ALB: variants seen among roughly 807,000 people sequenced by gnomAD.
ALB encodes serum albumin.
Under a neutral mutation model 74.5 loss-of-function variants are expected in ALB, and 37 were observed. That is an observed-to-expected ratio of 0.50 (90% CI 0.38 to 0.65). The LOEUF (loss-of-function observed/expected upper bound fraction) is 0.65, where lower values mean the gene tolerates loss of function less well. Ranked by LOEUF, ALB falls within the 30% of genes least tolerant of loss-of-function variation. The probability of loss-of-function intolerance (pLI) is 0.00; values close to 1 mark genes in which losing one functional copy is unlikely to be tolerated. For synonymous variants in ALB, 249 were observed against 251.6 expected, an observed-to-expected ratio of 0.99 and a Z score of 0.10; for missense variants, 685 against 718.7, an observed-to-expected ratio of 0.95 and a Z score of 0.54.
rs370546821 is a variant in ALB at position 73,419,612 on chromosome 4, C to T, written c.1758C>T (p.Asp586=). Residue 586 remains aspartate, a synonymous_variant, in exon 13 of 15, where the codon GAC becomes GAT. Coordinates refer to ENST00000295897, the MANE Select transcript of ALB (RefSeq NM_000477.7). ...TTGTAGAGAAGTGCTGCAAGGCTGACGATAAGGAGACCTGCTTTGCCGAGG... is the reference window on the plus strand; with the variant it reads ...TTGTAGAGAAGTGCTGCAAGGCTGATGATAAGGAGACCTGCTTTGCCGAGG... The part of the protein sequence containing the change: ...AAFVEKCCKA[D]DKETCFAEEG... The T allele has an allele frequency of 4.3e-6, 7 of 1,613,920 alleles. No homozygotes were observed. The highest frequency in any genetic ancestry group is 1.7e-5 in the Admixed American group (1 of 59,990).
At position 73,415,244 on chromosome 4, in the gene ALB, T is replaced by G. The variant is rs1718985179; in HGVS notation, c.1191+77T>G. On this transcript the variant is annotated intron_variant, in intron 9 of 14. Coordinates refer to ENST00000295897, the MANE Select transcript of ALB (RefSeq NM_000477.7). ...ATGAGAAAGAAAAATAATGCAAGAA[T>G]GTAAAATGATATACAGTGCAATTTA... 7.2e-6 allele frequency: 11 copies of G among 1,531,694 alleles called. No individual in the cohort carries two copies. The Middle Eastern group carries it at 5.1e-4, about 70-fold the overall frequency. The allele number at this position is 1,531,694 out of a possible 1,614,324, so 94.9% of individuals were successfully genotyped here.
rs921029989 is a variant in ALB, at chr4:73,417,542, G to A, written c.1301G>A (p.Arg434His). Residue 434 changes from arginine to histidine, a missense_variant, in exon 11 of 15, where the codon CGT becomes CAT. Arg to His is a conservative substitution (Grantham distance 29). Coordinates refer to ENST00000295897, the MANE Select transcript of ALB (RefSeq NM_000477.7). ...EYKFQNALLV[R>H]YTKKVPQVST... ...CTTCTTTTTTTCAGGCTATTAGTTCGTTACACCAAGAAAGTACCCCAAGTG... is the reference window on the plus strand; with the variant it reads ...CTTCTTTTTTTCAGGCTATTAGTTCATTACACCAAGAAAGTACCCCAAGTG... 22 of 1,613,636 alleles carry A rather than the reference G, an allele frequency of 1.4e-5. No individual in the cohort carries two copies. Among genetic ancestry groups the A allele is most frequent in the East Asian group, 6.7e-5 (3 of 44,860 alleles).
intron 1 of ALB, 71 bp from the exon 2 acceptor site, chr4:73,405,045 A>G: frequency 4.9e-6 from 7 of 1,430,048 alleles, no homozygotes; most frequent in Non-Finnish European, 6.9e-6. Flanking sequence ...GGAAAGAAAT[A>G]TAAAAAGTAA....
chr4:73,419,488 T>C lies in ALB; in HGVS notation c.1653-19T>C. ...ATGTTTTTTCTGTTTTTTTTTTTTC[T>C]TTTTCCATTCAAACTCAGTGCACTT... On this transcript the variant is annotated intron_variant, in intron 12 of 14. Coordinates refer to ENST00000295897, the MANE Select transcript of ALB (RefSeq NM_000477.7). The C allele has an allele frequency of 6.2e-7, 1 of 1,606,538 alleles. No homozygotes were observed. Among genetic ancestry groups the C allele is most frequent in the Non-Finnish European group, 8.5e-7 (1 of 1,177,350 alleles).
intron 7 of ALB, among the ~76,000 whole-genome samples, chr4:73,412,925 T>C (rs1718918156): frequency 6.6e-6 from 1 of 152,208 alleles, no homozygotes; most frequent in African/African-American, 2.4e-5. Context: ...CTTTCTCCCT[T>C]TCTTCAAGAT....
At chr4:73,408,851 A>T (rs1396122651) in intron 4 of ALB, 46 bp downstream of exon 4, 11 of 1,480,934 alleles carry the variant, frequency 7.4e-6, no homozygotes, top group South Asian at 3.5e-5. Context: ...AGCATGGAGT[A>T]ACTCCATAGG....
intron 8 of ALB, 95 bp downstream of exon 8, chr4:73,413,729 C>G: frequency 8.2e-7 from 1 of 1,214,296 alleles, no homozygotes; most frequent in South Asian, 1.3e-5. Flanking sequence ...CTACAATTTC[C>G]CTGCTGCCCA....
At chr4:73,416,083 G>A (rs1719004819) in intron 9 of ALB, among the ~76,000 whole-genome samples, 173 bp from the exon 10 acceptor site, 1 of 152,120 alleles carries the variant, frequency 6.6e-6, no homozygotes, top group African/African-American at 2.4e-5. Context: ...CATGATGCAA[G>A]CTCACCAAAT....
At chr4:73,408,559 T>G (rs376004099) in intron 3 of ALB, 35 bp from the exon 4 acceptor site, 1 of 1,577,734 alleles carries the variant, frequency 6.3e-7, no homozygotes, top group South Asian at 1.1e-5. Flanking sequence ...AAAAAGGTAC[T>G]GTCCAGCAAC....
intron 5 of ALB, among the ~76,000 whole-genome samples, chr4:73,409,849 A>G (rs1192041349): frequency 6.6e-6 from 1 of 152,184 alleles, no homozygotes; most frequent in Non-Finnish European, 1.5e-5. Context: ...GAGGGAATTC[A>G]AAGTAGAGAA....
intron 2 of ALB, among the ~76,000 whole-genome samples, chr4:73,406,080 T>C (rs1383294265): frequency 6.6e-6 from 1 of 151,878 alleles, no homozygotes; most frequent in Non-Finnish European, 1.5e-5. Flanking sequence ...TGGGCAAGTC[T>C]CTTTAAAAAA....
At position 73,408,581 on chromosome 4, in the gene ALB, T is replaced by C; in HGVS notation, c.271-13T>C. 2 of 1,612,922 alleles carry C rather than the reference T, an allele frequency of 1.2e-6. No homozygotes were observed. The highest frequency in any genetic ancestry group is 1.7e-6 in the Non-Finnish European group (2 of 1,179,110). ...TACTGTCCAGCAACTGAAACCTGCT[T>C]TCTTCCATTTAGCATACCCTTTTTG... On this transcript the variant is annotated splice_polypyrimidine_tract_variant and intron_variant, in intron 3 of 14. Transcript: ENST00000295897.
Position 73,413,644 on chromosome 4 carries a change from T to C in ALB, c.1058+10T>C. Reference sequence around the variant, plus strand: ...ATGTCTTCCTGGGCATGTAAGTAGATAAGAAATTATTCTTTTATAGCTTTG... The same window carrying C: ...ATGTCTTCCTGGGCATGTAAGTAGACAAGAAATTATTCTTTTATAGCTTTG... On this transcript the variant is annotated intron_variant, in intron 8 of 14. Coordinates refer to ENST00000295897, the MANE Select transcript of ALB (RefSeq NM_000477.7). 1 of 1,613,188 alleles carries C rather than the reference T, an allele frequency of 6.2e-7. No homozygotes were observed. Among genetic ancestry groups the C allele is most frequent in the Non-Finnish European group, 8.5e-7 (1 of 1,179,240 alleles).
chr4:73,417,522 T>A lies in ALB; in HGVS notation c.1290-9T>A, dbSNP rs1328769922. On this transcript the variant is annotated splice_polypyrimidine_tract_variant and intron_variant, in intron 10 of 14. Transcript: ENST00000295897. ...GCCTTGCTGAAAACACATGACTTCT[T>A]TTTTTCAGGCTATTAGTTCGTTACA... The A allele has an allele frequency of 3.1e-6, 5 of 1,613,924 alleles. No individual in the cohort carries two copies. In the Admixed American group the frequency reaches 8.3e-5, roughly 27 times the overall value.
Position 73,413,519 on chromosome 4 carries a change from G to A in ALB, c.943G>A (p.Ala315Thr). Residue 315 changes from alanine (A) to threonine (T), a missense_variant, in exon 8 of 15, where the codon GCC (alanine) becomes ACC (threonine). Transcript: ENST00000295897. ...TCTGTTGGAAAAATCCCACTGCATT[G>A]CCGAAGTGGAAAATGATGAGATGCC... ...KPLLEKSHCI[A>T]EVENDEMPAD... 1 of 1,614,198 alleles carries A rather than the reference G, an allele frequency of 6.2e-7. No individual in the cohort carries two copies. The highest frequency in any genetic ancestry group is 8.5e-7 in the Non-Finnish European group (1 of 1,180,018).
At chr4:73,416,184 C>T (rs1390674215) in intron 9 of ALB, 72 bp from the exon 10 acceptor site, 11 of 1,135,350 alleles carry the variant, frequency 9.7e-6, no homozygotes, top group Non-Finnish European at 1.5e-5. Flanking sequence ...TCATTCTGAC[C>T]AGAGGGGTGA....
intron 6 of ALB, 132 bp from the exon 7 acceptor site, chr4:73,411,864 A>G (rs1390533656): frequency 2.6e-6 from 3 of 1,144,280 alleles, no homozygotes; most frequent in African/African-American, 1.5e-5. Flanking sequence ...GTTCAGAACT[A>G]GAACTAATGA....
chr4:73,408,540 C>A, intron 3 of ALB, 54 bp from the exon 4 acceptor site: 2 of 1,473,002 alleles, frequency 1.4e-6, no homozygotes, highest in Non-Finnish European at 1.9e-6. Flanking sequence ...TGTTCTTTGG[C>A]TATAAAGAAA....
At chr4:73,406,800 T>C in intron 3 of ALB, 39 bp downstream of exon 3, 1 of 1,611,656 alleles carries the variant, frequency 6.2e-7, no homozygotes, top group Non-Finnish European at 8.5e-7. Context: ...TTCTTCTGTT[T>C]GAAGTAATCC....
Sources: gnomAD v4.1 joint callset for allele counts (sites outside exome capture counted in the v4.1 genomes callset) on GRCh38, gnomAD v4.1.1 for gene constraint, MANE v1.5 for transcripts, NCBI Gene and HGNC (gene_info 2026-07-23, HGNC 2026-07-21) for gene names.